Variants in INSR observed in about 807,000 individuals in gnomAD.
INSR encodes the protein IR.
A neutral mutation model predicts 142.6 loss-of-function variants in INSR; 67 were observed. That is an observed-to-expected ratio of 0.47 (90% CI 0.39 to 0.58). INSR has a LOEUF of 0.58. Ranked by LOEUF, INSR falls within the 20% of genes least tolerant of loss-of-function variation. The pLI is 0.00. For missense variants in INSR, 1,248 were observed against 1,833.2 expected (o/e 0.68, Z 5.83); for synonymous variants, 756 against 743.1 (o/e 1.02, Z -0.28).
At chr19:7,270,058 G>A (rs894778638) in intron 1 of INSR, among the ~76,000 whole-genome samples, 1 of 152,074 alleles carries the variant, frequency 6.6e-6, no homozygotes, top group South Asian at 2.1e-4. Context: ...CACCTCCTGG[G>A]TTCAAGTGAT....
intron 13 of INSR, among the ~76,000 whole-genome samples, chr19:7,140,768 C>A (rs545514306): frequency 6.8e-6 from 1 of 147,662 alleles, no homozygotes; most frequent in Admixed American, 6.7e-5. Flanking sequence ...TTAGAATTAA[C>A]GGCCCTTTTT....
intron 8 of INSR, among the ~76,000 whole-genome samples, chr19:7,163,722 C>T (rs73503031): frequency 9.1e-4 from 138 of 151,690 alleles, no homozygotes; most frequent in African/African-American, 3.1e-3. Context: ...CTTTTGGTGT[C>T]ACTAAAAGAT....
Position 7,192,078 on chromosome 19 carries a change from GAGAA to G in INSR, c.653-7445_653-7442del, listed in dbSNP as rs1282497190. Among the ~76,000 whole-genome samples the G allele has an allele frequency of 6.9e-6, 1 of 144,990 alleles. No individual in the cohort carries two copies. Among genetic ancestry groups the G allele is most frequent in the Non-Finnish European group, 1.5e-5 (1 of 66,232 alleles). Reference sequence around the variant, plus strand: ...GGAGAAAGAAAGAAGGAAAGAAAGAGAGAAAGAAGAAAGAATACAGAAAGAGAAA... The same window carrying G: ...GGAGAAAGAAAGAAGGAAAGAAAGAGAGAAGAAAGAATACAGAAAGAGAAA... On this transcript the variant is annotated intron_variant, in intron 2 of 21. Coordinates refer to ENST00000302850, the MANE Select transcript of INSR (RefSeq NM_000208.4). The surrounding 1 kb of genome is among the most constrained non-coding windows in gnomAD (Gnocchi z 4.2).
At chr19:7,161,848 C>A (rs1973755823) in intron 9 of INSR, among the ~76,000 whole-genome samples, 2 of 152,034 alleles carry the variant, frequency 1.3e-5, no homozygotes, top group Non-Finnish European at 2.9e-5. Flanking sequence ...CTGGTTTTGA[C>A]ACAAGTCTTC....
At chr19:7,147,960 C>T (rs1470083808) in intron 11 of INSR, among the ~76,000 whole-genome samples, 1 of 152,040 alleles carries the variant, frequency 6.6e-6, no homozygotes, top group African/African-American at 2.4e-5. Flanking sequence ...GTTGCCCAGG[C>T]TGGAGTGCAG....
At chr19:7,289,487 G>A (rs1968433913) in intron 1 of INSR, among the ~76,000 whole-genome samples, 1 of 143,644 alleles carries the variant, frequency 7.0e-6, no homozygotes, top group African/African-American at 2.6e-5. Flanking sequence ...CTCACTGCAA[G>A]CTCTGCCTCC....
intron 2 of INSR, among the ~76,000 whole-genome samples, chr19:7,202,707 G>A (rs559398296): frequency 6.6e-6 from 1 of 152,186 alleles, no homozygotes; most frequent in Non-Finnish European, 1.5e-5. Flanking sequence ...CACCATGTTG[G>A]CCAGGCTGGT....
intron 9 of INSR, among the ~76,000 whole-genome samples, chr19:7,155,540 C>CAAAAAAAAA (rs57822054): frequency 9.7e-6 from 1 of 103,080 alleles, no homozygotes; most frequent in African/African-American, 4.2e-5. Flanking sequence ...TTCCATCTCT[C>CAAAAAAAAA]AAAAAAAAAA....
In INSR at chr19:7,216,558, T is replaced by A. The variant is rs192317373; in HGVS notation, c.653-31921A>T. Among the ~76,000 whole-genome samples, 99 of 152,208 alleles carry A rather than the reference T, an allele frequency of 6.5e-4. No individual in the cohort carries two copies. Among genetic ancestry groups the A allele is most frequent in the Non-Finnish European group, 1.1e-3 (75 of 67,996 alleles). On this transcript the variant is annotated intron_variant, in intron 2 of 21. Transcript: ENST00000302850. This position sits in a 1 kb window ranked among gnomAD's most constrained non-coding sequence, Gnocchi z 4.2. ...TGGGTTCGAAAATGCAGGCCCCTTG[T>A]ATCCAGGGGGTCTGGGAAGGAACAA...
At position 7,168,079 on chromosome 19, in the gene INSR, AG is replaced by A. The variant is rs1973929169; in HGVS notation, c.1498del (p.Lys501AsnfsTer14). 1 of 1,613,998 alleles carries A rather than the reference AG, an allele frequency of 6.2e-7. No individual in the cohort carries two copies. The highest frequency in any genetic ancestry group is 1.7e-5 in the Admixed American group (1 of 59,986). On this transcript the variant is annotated frameshift_variant, in exon 7 of 22. Coordinates refer to ENST00000302850, the MANE Select transcript of INSR (RefSeq NM_000208.4). LOFTEE classifies it high-confidence loss of function. This position sits in a 1 kb window ranked among gnomAD's most constrained non-coding sequence, Gnocchi z 4.3. ...GDQASCENEL[L>X]KFSYIRTSFD... Reference sequence around the variant, plus strand: ...AGATGTCCGAATGTAAGAAAATTTAAGTAACTCATTTTCACCTGGAAAAGTT... The same window carrying A: ...AGATGTCCGAATGTAAGAAAATTTAATAACTCATTTTCACCTGGAAAAGTT...
chr19:7,155,116 A>C (rs955685236), intron 9 of INSR, among the ~76,000 whole-genome samples: 1 of 152,158 alleles, frequency 6.6e-6, no homozygotes, highest in Non-Finnish European at 1.5e-5. Context: ...TCTCAAAGAA[A>C]GTCACCACTG....
At chr19:7,239,034 A>C in intron 2 of INSR, among the ~76,000 whole-genome samples, 1 of 152,242 alleles carries the variant, frequency 6.6e-6, no homozygotes, top group East Asian at 1.9e-4. Flanking sequence ...TTACTACAAA[A>C]AAAAAATTAC....
In INSR at chr19:7,268,646, GGAA is replaced by G. The variant is rs974422566; in HGVS notation, c.101-753_101-751del. 24 of 976,292 alleles carry G rather than the reference GGAA, an allele frequency of 2.5e-5. No individual in the cohort carries two copies. In the South Asian group the frequency reaches 3.8e-4, roughly 15 times the overall value. The allele number at this position is 976,292 out of a possible 1,614,324, so 60.5% of individuals were successfully genotyped here. On this transcript the variant is annotated intron_variant, in intron 1 of 21. Coordinates refer to ENST00000302850, the MANE Select transcript of INSR (RefSeq NM_000208.4). ...TCCTCCTCTGTAACATGGCTTATAT[GGAA>G]GAAGAAGTGAAACAACTCAGGGCAA...
At chr19:7,122,066 C>T (rs773681469) in intron 19 of INSR, among the ~76,000 whole-genome samples, 121 of 151,896 alleles carry the variant, frequency 8.0e-4, no homozygotes, top group Non-Finnish European at 1.6e-3. Flanking sequence ...TCGCTTGAAC[C>T]CAAGAGGTGG....
At chr19:7,184,182 ATC>A in intron 3 of INSR, 132 bp downstream of exon 3, 1 of 769,104 alleles carries the variant, frequency 1.3e-6, no homozygotes, top group Non-Finnish European at 2.2e-6. Flanking sequence ...CAAAAGTAGC[ATC>A]TGAGAGCAGA....
chr19:7,233,702 G>A (rs1327168038), intron 2 of INSR, among the ~76,000 whole-genome samples: 1 of 112,146 alleles, frequency 8.9e-6, no homozygotes, highest in African/African-American at 3.5e-5. Context: ...TTGAGACGCA[G>A]TCTCGCTGTG....
intron 2 of INSR, among the ~76,000 whole-genome samples, chr19:7,195,854 G>GT (rs904992008): frequency 1.3e-5 from 2 of 151,256 alleles, no homozygotes; most frequent in Middle Eastern, 3.2e-3. Context: ...TTAAAATACT[G>GT]TATCAATGTT....
chr19:7,205,768 T>C (rs1325960326), intron 2 of INSR, among the ~76,000 whole-genome samples: 3 of 152,138 alleles, frequency 2.0e-5, no homozygotes, highest in Non-Finnish European at 4.4e-5. Context: ...TGCACACCTG[T>C]AGTCCCAGCT....
chr19:7,174,852 T>G, intron 3 of INSR, 121 bp from the exon 4 acceptor site: 2 of 1,031,094 alleles, frequency 1.9e-6, no homozygotes, highest in Non-Finnish European at 2.8e-6. Context: ...TGTGTGTGTG[T>G]GTGTTTGTGT....
Sources: gnomAD v4.1 joint callset for allele counts (sites outside exome capture counted in the v4.1 genomes callset) on GRCh38, gnomAD v4.1.1 for gene constraint, Gnocchi (gnomAD v3.1) non-coding constraint, MANE v1.5 for transcripts, NCBI Gene and HGNC (gene_info 2026-07-23, HGNC 2026-07-21) for gene names.